The following CNTNAP2 variants were observed in gnomAD, a reference collection of about 807,000 sequenced individuals.
CNTNAP2 encodes the protein contactin associated protein 2.
CNTNAP2 carries 98 observed loss-of-function variants against 155.2 expected under a neutral mutation model. The observed-to-expected ratio is 0.63, with a 90% CI of 0.54 to 0.75. CNTNAP2 has a LOEUF of 0.75. Ranked by LOEUF, CNTNAP2 falls within the 30% of genes least tolerant of loss-of-function variation. CNTNAP2 has a pLI of 0.00. For synonymous variants in CNTNAP2, 651 were observed against 631.2 expected (o/e 1.03, Z -0.47); for missense variants, 1,727 against 1,688.1 (o/e 1.02, Z -0.40).
At chr7:146,890,764 T>A (rs1417934402) in intron 3 of CNTNAP2, among the ~76,000 whole-genome samples, 1 of 152,210 alleles carries the variant, frequency 6.6e-6, no homozygotes, top group African/African-American at 2.4e-5. Flanking sequence ...AATGGCTTTG[T>A]TTCCAACATG....
chr7:147,455,098 C>A (rs988042185), intron 10 of CNTNAP2, among the ~76,000 whole-genome samples: 1 of 152,048 alleles, frequency 6.6e-6, no homozygotes, highest in Non-Finnish European at 1.5e-5. Context: ...TTTCTGATCA[C>A]CCATTTCATT....
At position 148,062,028 on chromosome 7, in the gene CNTNAP2, A is replaced by AGAGAGAGAGTGTGT. The variant is rs1388530831; in HGVS notation, c.2384-56089_2384-56088insAGAGAGAGTGTGTG. Among the ~76,000 whole-genome samples, 50 of 106,002 alleles carry AGAGAGAGAGTGTGT rather than the reference A, an allele frequency of 4.7e-4. 2 individuals are homozygous for AGAGAGAGAGTGTGT. Among genetic ancestry groups the AGAGAGAGAGTGTGT allele is most frequent in the South Asian group, 6.6e-4 (2 of 3,016 alleles). The allele number at this position is 106,002 out of a possible 152,430, so 69.5% of individuals were successfully genotyped here. ...ATAGATGATAGAGAGAGAGAGAGAG[A>AGAGAGAGAGTGTGT]GTGTGTGTGTGTGTGTGTGTGTGTG... is the stretch of plus-strand genomic sequence containing the variant. On this transcript the variant is annotated intron_variant, in intron 15 of 23. Coordinates refer to ENST00000361727, the MANE Select transcript of CNTNAP2 (RefSeq NM_014141.6).
chr7:146,307,858 A>G (rs1800743852), intron 1 of CNTNAP2, among the ~76,000 whole-genome samples: 1 of 150,048 alleles, frequency 6.7e-6, no homozygotes, highest in African/African-American at 2.5e-5. Context: ...TAAATGTTAG[A>G]CCTAAAACCA....
At position 148,370,245 on chromosome 7, in the gene CNTNAP2, C is replaced by T. The variant is rs916208586; in HGVS notation, c.3476-13404C>T. Among the ~76,000 whole-genome samples, 8 of 152,198 alleles carry T rather than the reference C, an allele frequency of 5.3e-5. No individual in the cohort carries two copies. The East Asian group carries it at 1.3e-3, about 26-fold the overall frequency. On this transcript the variant is annotated intron_variant, in intron 21 of 23. Coordinates refer to ENST00000361727, the MANE Select transcript of CNTNAP2 (RefSeq NM_014141.6). The stretch of plus-strand genomic sequence containing the variant: ...GACATAAAGATGCCCATTTCCAAAG[C>T]TCTCCGGCTCCCCAGTGCCTCTGGT...
chr7:147,356,120 G>A (rs1045556465), intron 9 of CNTNAP2, among the ~76,000 whole-genome samples: 1 of 152,078 alleles, frequency 6.6e-6, no homozygotes, highest in African/African-American at 2.4e-5. Flanking sequence ...GGGATGCAAG[G>A]TTGGTTCAAC....
At chr7:147,972,072 T>C (rs1335765235) in intron 14 of CNTNAP2, among the ~76,000 whole-genome samples, 2 of 152,236 alleles carry the variant, frequency 1.3e-5, no homozygotes, top group South Asian at 2.1e-4. Context: ...AGCATCTCAA[T>C]GTAGTTTTAG....
At chr7:146,136,208 A>T (rs1334756286) in intron 1 of CNTNAP2, among the ~76,000 whole-genome samples, 4 of 152,178 alleles carry the variant, frequency 2.6e-5, no homozygotes, top group Non-Finnish European at 5.9e-5. Flanking sequence ...TCTTAATAGT[A>T]ACTGAGTGTG....
At chr7:146,631,524 A>G (rs776829535) in intron 1 of CNTNAP2, among the ~76,000 whole-genome samples, 2 of 152,096 alleles carry the variant, frequency 1.3e-5, no homozygotes, top group Non-Finnish European at 2.9e-5. Context: ...CCTTCTGAGT[A>G]TTTGATGAAT....
Position 147,851,910 on chromosome 7 carries a change from A to AAAT in CNTNAP2, c.2099-51649_2099-51647dup, listed in dbSNP as rs879657317. 3.5e-3 allele frequency among the ~76,000 whole-genome samples: 530 copies of AAAT among 151,920 alleles called. 3 individuals carry two copies. The highest frequency in any genetic ancestry group is 4.8e-3 in the Non-Finnish European group (327 of 67,926). ...TGTACCCTAGAACTTAAAATATAAT[A>AAAT]AATAATAAGAATAATAATAAATTAT... On this transcript the variant is annotated intron_variant, in intron 13 of 23. Transcript: ENST00000361727.
chr7:146,375,168 C>A (rs1178099684), intron 1 of CNTNAP2, among the ~76,000 whole-genome samples: 1 of 152,226 alleles, frequency 6.6e-6, no homozygotes, highest in Non-Finnish European at 1.5e-5. Flanking sequence ...CATTTACTAA[C>A]TAGTTCATTG....
At chr7:148,055,412 A>G (rs569853399) in intron 15 of CNTNAP2, among the ~76,000 whole-genome samples, 9 of 152,272 alleles carry the variant, frequency 5.9e-5, no homozygotes, top group African/African-American at 2.2e-4. Flanking sequence ...GTGTCATCTA[A>G]AAGAGTGGCC....
At chr7:146,725,806 A>G (rs1214415011) in intron 1 of CNTNAP2, among the ~76,000 whole-genome samples, 4 of 152,090 alleles carry the variant, frequency 2.6e-5, no homozygotes, top group Non-Finnish European at 5.9e-5. Context: ...CCCCCAACCA[A>G]TTAGCAAGCT....
At chr7:146,610,742 T>A (rs2129153939) in intron 1 of CNTNAP2, among the ~76,000 whole-genome samples, 1 of 152,300 alleles carries the variant, frequency 6.6e-6, no homozygotes, top group Non-Finnish European at 1.5e-5. Context: ...TGAACTCAAG[T>A]AGTTATTCTA....
At chr7:147,131,101 C>T (rs1042769082) in intron 7 of CNTNAP2, among the ~76,000 whole-genome samples, 3 of 139,272 alleles carry the variant, frequency 2.2e-5, no homozygotes, top group Non-Finnish European at 4.7e-5. Flanking sequence ...TATATATACA[C>T]ACACATATAT....
intron 8 of CNTNAP2, among the ~76,000 whole-genome samples, chr7:147,273,171 G>A (rs190183505): frequency 2.6e-5 from 4 of 152,186 alleles, no homozygotes; most frequent in Admixed American, 2.6e-4. Context: ...CTAAACGGGC[G>A]GGATTGAATT....
chr7:147,044,087 T>C, intron 4 of CNTNAP2, 33 bp downstream of exon 4: 1 of 1,612,530 alleles, frequency 6.2e-7, no homozygotes, highest in Non-Finnish European at 8.5e-7. Flanking sequence ...TTGTGGCAGG[T>C]TTTATCTTTA....
rs148611916 is a variant in CNTNAP2 at position 148,415,570 on chromosome 7, A to G, written c.3950A>G (p.Asn1317Ser). Residue 1317 changes from asparagine to serine, a missense_variant, in exon 24 of 24, where the codon AAC becomes AGC. Physicochemically the swap from Asn to Ser is conservative, Grantham distance 46. Coordinates refer to ENST00000361727, the MANE Select transcript of CNTNAP2 (RefSeq NM_014141.6). ...GCCGCCATCATGAACAACGACCCCA[A>G]CTTCACAGAGACCATTGATGAAAGC... ...ADAAIMNNDPNFTETIDESKK... is the reference protein window; with the variant it reads ...ADAAIMNNDPSFTETIDESKK... 3.0e-5 allele frequency: 48 copies of G among 1,614,120 alleles called. No homozygotes were observed. Among genetic ancestry groups the G allele is most frequent in the Middle Eastern group, 1.6e-4 (1 of 6,084 alleles).
intron 16 of CNTNAP2, among the ~76,000 whole-genome samples, chr7:148,147,268 T>C (rs1349819066): frequency 1.3e-5 from 2 of 152,090 alleles, no homozygotes; most frequent in African/African-American, 4.8e-5. Context: ...AATAAGGAAA[T>C]AAATATATAC....
intron 3 of CNTNAP2, among the ~76,000 whole-genome samples, chr7:146,929,280 C>T (rs13233575): frequency 0.26 from 40,273 of 152,024 alleles, 6,671 homozygotes; most frequent in Non-Finnish European, 0.36. Context: ...TCGCGGTTCA[C>T]GAAAATCCTC....
Sources: allele counts gnomAD v4.1 joint callset (sites outside exome capture counted in the v4.1 genomes callset), GRCh38; gene constraint gnomAD v4.1.1; transcripts MANE v1.5; gene names NCBI Gene and HGNC (gene_info 2026-07-23, HGNC 2026-07-21).